The following TLN2 variants were observed in gnomAD, a reference collection of about 807,000 sequenced individuals.
TLN2 encodes talin 2.
TLN2 carries 118 observed loss-of-function variants against 294.7 expected under a neutral mutation model. The observed-to-expected ratio is 0.40, with a 90% CI of 0.34 to 0.47. The LOEUF (loss-of-function observed/expected upper bound fraction) is 0.47, where lower values mean the gene tolerates loss of function less well. TLN2 is among the 20% of genes least tolerant of loss of function. TLN2 has a pLI of 0.84. For synonymous variants in TLN2, 1,431 were observed against 1,304.5 expected (o/e 1.10, Z -2.09); for missense variants, 3,083 against 3,282.2 (o/e 0.94, Z 1.48).
At chr15:62,626,705 C>G (rs2049315939) in intron 3 of TLN2, among the ~76,000 whole-genome samples, 1 of 152,190 alleles carries the variant, frequency 6.6e-6, no homozygotes, top group African/African-American at 2.4e-5. Context: ...ACGTGAGACT[C>G]AGAGATGATA....
chr15:62,408,052 A>G (rs1046131987), intron 1 of TLN2, among the ~76,000 whole-genome samples: 5 of 152,184 alleles, frequency 3.3e-5, no homozygotes, highest in Non-Finnish European at 7.4e-5. Context: ...CATAGTTGTG[A>G]GCAAGGTCTG....
intron 41 of TLN2, among the ~76,000 whole-genome samples, chr15:62,768,903 C>T (rs889239872): frequency 2.6e-5 from 4 of 152,196 alleles, no homozygotes; most frequent in African/African-American, 7.2e-5. Flanking sequence ...TATTATTAAT[C>T]CCCATTTTAC....
At chr15:62,743,212 G>C (rs902884124) in intron 32 of TLN2, among the ~76,000 whole-genome samples, 1 of 152,110 alleles carries the variant, frequency 6.6e-6, no homozygotes, top group Non-Finnish European at 1.5e-5. Flanking sequence ...TCAGTCCTCT[G>C]TCCTCCTTGT....
intron 1 of TLN2, among the ~76,000 whole-genome samples, chr15:62,498,136 A>G (rs954824460): frequency 1.4e-5 from 2 of 138,678 alleles, no homozygotes; most frequent in Non-Finnish European, 3.0e-5. Flanking sequence ...CCTGGGTGAC[A>G]GCGTGAGACC....
At position 62,811,881 on chromosome 15, in the gene TLN2, G is replaced by T. The variant is rs530001493; in HGVS notation, c.6771+1849G>T. ...ACAAAAATTAGCCAGGCATGGTGGT[G>T]GGTGCCTGTAATCCTAGCTACTCAG... On this transcript the variant is annotated intron_variant, in intron 52 of 58. Coordinates refer to ENST00000636159, the MANE Select transcript of TLN2 (RefSeq NM_015059.3). Among the ~76,000 whole-genome samples the T allele has an allele frequency of 2.2e-4, 34 of 152,048 alleles. No homozygotes were observed. The South Asian group carries it at 6.2e-3, about 28-fold the overall frequency.
chr15:62,680,463 A>G (rs2056718453), intron 11 of TLN2, among the ~76,000 whole-genome samples: 4 of 152,174 alleles, frequency 2.6e-5, no homozygotes, highest in Admixed American at 2.6e-4. Context: ...TATGTCAACC[A>G]TGTGAAATAA....
At chr15:62,451,127 C>T (rs2036118928) in intron 1 of TLN2, among the ~76,000 whole-genome samples, 1 of 152,014 alleles carries the variant, frequency 6.6e-6, no homozygotes, top group African/African-American at 2.4e-5. Flanking sequence ...CTGGTTCTTG[C>T]TAAATTTGAA....
rs368005039 is a variant in TLN2, at chr15:62,702,884, A to G, written c.2004+20A>G. ...TTCCAGGTAAGATATTTGCAGGCTT[A>G]TAGTCATGGAAAGAAGTCTAAGTGA... On this transcript the variant is annotated intron_variant, in intron 19 of 58. Transcript: ENST00000636159. 25 of 1,609,190 alleles carry G rather than the reference A, an allele frequency of 1.6e-5. No individual in the cohort carries two copies. The highest frequency in any genetic ancestry group is 2.0e-5 in the Non-Finnish European group (23 of 1,175,646).
intron 1 of TLN2, among the ~76,000 whole-genome samples, chr15:62,569,722 G>C (rs560710790): frequency 1.3e-5 from 2 of 152,252 alleles, no homozygotes; most frequent in Admixed American, 6.5e-5. Context: ...TGGGTAGCAC[G>C]TGAGAGAAAT....
intron 3 of TLN2, among the ~76,000 whole-genome samples, chr15:62,619,382 T>G (rs1264568733): frequency 6.6e-6 from 1 of 152,216 alleles, no homozygotes; most frequent in Non-Finnish European, 1.5e-5. Flanking sequence ...TCCTCCAGTT[T>G]GTGAGAGCTA....
intron 1 of TLN2, among the ~76,000 whole-genome samples, chr15:62,489,561 C>T (rs1055460488): frequency 5.3e-5 from 8 of 152,182 alleles, no homozygotes; most frequent in African/African-American, 1.9e-4. Flanking sequence ...ACAAATACCT[C>T]ATCCTGGTGG....
intron 3 of TLN2, chr15:62,640,337 AGGAG>A: frequency 2.2e-6 from 1 of 456,548 alleles, no homozygotes; most frequent in South Asian, 1.5e-5. Context: ...AGGCCTTCCC[AGGAG>A]GTCACGGTGG....
chr15:62,447,153 A>G (rs778044193), intron 1 of TLN2, among the ~76,000 whole-genome samples: 2 of 82,466 alleles, frequency 2.4e-5, no homozygotes, highest in Admixed American at 3.0e-4. Flanking sequence ...CAAGAAGCCT[A>G]TATTTATTTA....
intron 1 of TLN2, among the ~76,000 whole-genome samples, chr15:62,537,534 T>A (rs2041430807): frequency 6.6e-6 from 1 of 152,202 alleles, no homozygotes; most frequent in Non-Finnish European, 1.5e-5. Context: ...TGATCTTATT[T>A]GATATTTATA....
chr15:62,820,732 A>G (rs1451495154), intron 54 of TLN2, 122 bp downstream of exon 54: 5 of 1,308,004 alleles, frequency 3.8e-6, no homozygotes, highest in Non-Finnish European at 5.2e-6. Context: ...ACTAGCAAGC[A>G]GAAAACCGGA....
intron 54 of TLN2, chr15:62,831,600 A>G (rs1202440407): frequency 6.6e-6 from 1 of 152,128 alleles, no homozygotes; most frequent in Non-Finnish European, 1.5e-5. Context: ...ACCAAATTCT[A>G]TACTCCACCA....
chr15:62,521,595 G>A (rs1316300294), intron 1 of TLN2, among the ~76,000 whole-genome samples: 1 of 152,156 alleles, frequency 6.6e-6, no homozygotes, highest in Non-Finnish European at 1.5e-5. Context: ...GAGGGGGGTT[G>A]TGAGGGTCAA....
At chr15:62,675,977 T>C (rs968599535) in intron 11 of TLN2, among the ~76,000 whole-genome samples, 2 of 152,190 alleles carry the variant, frequency 1.3e-5, no homozygotes, top group East Asian at 3.8e-4. Flanking sequence ...TTTCACAGAT[T>C]TCTGCTTGTT....
At chr15:62,433,627 G>GT (rs202237778) in intron 1 of TLN2, among the ~76,000 whole-genome samples, 2 of 152,026 alleles carry the variant, frequency 1.3e-5, no homozygotes, top group South Asian at 2.1e-4. Context: ...TCACTCACTG[G>GT]TTTTTTTCCC....
Sources: gnomAD v4.1 joint callset for allele counts (sites outside exome capture counted in the v4.1 genomes callset) on GRCh38, gnomAD v4.1.1 for gene constraint, MANE v1.5 for transcripts, NCBI Gene and HGNC (gene_info 2026-07-23, HGNC 2026-07-21) for gene names.